The following ZSWIM6 variants were observed in gnomAD, a reference collection of about 807,000 sequenced individuals.
ZSWIM6 encodes zinc finger SWIM-type containing 6.
In ZSWIM6, 9 loss-of-function variants were observed where a neutral mutation model predicts 113.2. The ratio of observed to expected loss-of-function variants is 0.08; its 90% CI spans 0.05 to 0.14. The LOEUF is 0.14. Ranked by LOEUF, ZSWIM6 falls within the 10% of genes least tolerant of loss-of-function variation. The probability of loss-of-function intolerance (pLI) is 1.00; values close to 1 mark genes in which losing one functional copy is unlikely to be tolerated. For synonymous variants in ZSWIM6, 611 were observed against 606.5 expected (o/e 1.01, Z -0.11); for missense variants, 1,162 against 1,552.2 (o/e 0.75, Z 4.22).
chr5:61,474,356 T>C (rs1747653871), intron 2 of ZSWIM6, among the ~76,000 whole-genome samples: 1 of 152,208 alleles, frequency 6.6e-6, no homozygotes, highest in Non-Finnish European at 1.5e-5. Context: ...CTAATAGAAA[T>C]ATAACATGAG....
intron 1 of ZSWIM6, among the ~76,000 whole-genome samples, chr5:61,395,076 T>G (rs749959063): frequency 6.6e-6 from 1 of 152,158 alleles, no homozygotes; most frequent in Non-Finnish European, 1.5e-5. Context: ...AAAATCACTT[T>G]TATAAGTTAG....
intron 1 of ZSWIM6, among the ~76,000 whole-genome samples, chr5:61,399,341 T>G (rs1745902501): frequency 6.6e-6 from 1 of 152,016 alleles, no homozygotes; most frequent in Non-Finnish European, 1.5e-5. Context: ...AATATGTGAC[T>G]TCGTTGAGAA....
intron 1 of ZSWIM6, among the ~76,000 whole-genome samples, chr5:61,434,205 AAT>A (rs910558874): frequency 2.7e-5 from 4 of 147,728 alleles, no homozygotes; most frequent in African/African-American, 9.8e-5. Context: ...ATATATGTAT[AAT>A]ATATATAAAA....
chr5:61,500,100 T>TTTA (rs61415779), intron 4 of ZSWIM6, among the ~76,000 whole-genome samples: 19,323 of 145,214 alleles, frequency 0.13, 1,371 homozygotes, highest in Middle Eastern at 0.2. Flanking sequence ...TGTCCTCAGC[T>TTTA]TTATTATTAT....
At chr5:61,438,920 G>T (rs931714241) in intron 1 of ZSWIM6, among the ~76,000 whole-genome samples, 1 of 152,158 alleles carries the variant, frequency 6.6e-6, no homozygotes, top group African/African-American at 2.4e-5. Flanking sequence ...AAAGACGGTT[G>T]TGCATGTGTT....
At chr5:61,378,850 C>G (rs746662693) in intron 1 of ZSWIM6, among the ~76,000 whole-genome samples, 1 of 152,138 alleles carries the variant, frequency 6.6e-6, no homozygotes, top group Non-Finnish European at 1.5e-5. Flanking sequence ...GCCACCACAC[C>G]TGGCTACCCT....
Position 61,351,162 on chromosome 5 carries a change from C to T in ZSWIM6, c.676+18214C>T, listed in dbSNP as rs577387804. Among the ~76,000 whole-genome samples the T allele has an allele frequency of 5.3e-5, 8 of 152,200 alleles. No individual in the cohort carries two copies. The South Asian group carries it at 1.0e-3, about 20-fold the overall frequency. ...TAAACAGAGCATGTTTTTTATTCATCGAGGTGTATCATGCCTTAATGTCCT... is the reference window on the plus strand; with the variant it reads ...TAAACAGAGCATGTTTTTTATTCATTGAGGTGTATCATGCCTTAATGTCCT... On this transcript the variant is annotated intron_variant, in intron 1 of 13. Coordinates refer to ENST00000252744, the MANE Select transcript of ZSWIM6 (RefSeq NM_020928.2).
intron 1 of ZSWIM6, among the ~76,000 whole-genome samples, chr5:61,382,628 AC>A (rs1307398627): frequency 1.3e-5 from 2 of 151,824 alleles, no homozygotes; most frequent in Non-Finnish European, 2.9e-5. Context: ...ACATGGTGAA[AC>A]CCCCCTCTAC....
intron 1 of ZSWIM6, among the ~76,000 whole-genome samples, chr5:61,339,125 GC>G (rs1561197544): frequency 2.6e-5 from 4 of 152,284 alleles, no homozygotes; most frequent in African/African-American, 9.6e-5. Flanking sequence ...TGTGATTTCA[GC>G]TAGTAATGTG....
At chr5:61,483,938 C>T (rs897604689) in intron 2 of ZSWIM6, among the ~76,000 whole-genome samples, 2 of 150,762 alleles carry the variant, frequency 1.3e-5, no homozygotes, top group Non-Finnish European at 3.0e-5. Flanking sequence ...GTATTTAAAA[C>T]CTATCCAATT....
At chr5:61,391,529 T>A in intron 1 of ZSWIM6, 1 of 1,056,156 alleles carries the variant, frequency 9.5e-7, no homozygotes, top group Non-Finnish European at 1.5e-6. Context: ...AAATGTCTCT[T>A]GCATGCATCG....
intron 1 of ZSWIM6, among the ~76,000 whole-genome samples, chr5:61,339,934 A>T (rs1235124926): frequency 6.6e-6 from 1 of 152,218 alleles, no homozygotes; most frequent in Non-Finnish European, 1.5e-5. Flanking sequence ...AAAAATCAGT[A>T]TCAAATGATA....
chr5:61,383,712 A>G (rs1488396114), intron 1 of ZSWIM6, among the ~76,000 whole-genome samples: 1 of 151,364 alleles, frequency 6.6e-6, no homozygotes, highest in Admixed American at 6.6e-5. Context: ...ACGTCCAGCT[A>G]ATTTTTGTAT....
chr5:61,359,029 T>A (rs1024113817), intron 1 of ZSWIM6, among the ~76,000 whole-genome samples: 2 of 152,116 alleles, frequency 1.3e-5, no homozygotes, highest in South Asian at 4.1e-4. Flanking sequence ...TGAACCTTAG[T>A]CTCATTAAGA....
At chr5:61,362,403 G>A (rs1745049406) in intron 1 of ZSWIM6, among the ~76,000 whole-genome samples, 1 of 152,086 alleles carries the variant, frequency 6.6e-6, no homozygotes, top group Non-Finnish European at 1.5e-5. Flanking sequence ...TCGCCATTTT[G>A]GCCAGGCTGG....
chr5:61,418,935 C>A (rs1746305165), intron 1 of ZSWIM6, among the ~76,000 whole-genome samples: 1 of 152,220 alleles, frequency 6.6e-6, no homozygotes, highest in Non-Finnish European at 1.5e-5. Context: ...GATTCTCCTG[C>A]CTCAGCCTCC....
At chr5:61,348,053 C>G (rs1333954599) in intron 1 of ZSWIM6, among the ~76,000 whole-genome samples, 1 of 152,060 alleles carries the variant, frequency 6.6e-6, no homozygotes, top group East Asian at 1.9e-4. Flanking sequence ...AACCCTGTCT[C>G]TACTAAAAAC....
At chr5:61,523,442 G>A (rs1249804074) in intron 5 of ZSWIM6, among the ~76,000 whole-genome samples, 1 of 152,090 alleles carries the variant, frequency 6.6e-6, no homozygotes, top group Non-Finnish European at 1.5e-5. Flanking sequence ...TATACCAAAA[G>A]TATAGCCAAT....
intron 1 of ZSWIM6, among the ~76,000 whole-genome samples, chr5:61,386,283 C>T (rs1310809827): frequency 1.3e-5 from 2 of 152,122 alleles, no homozygotes; most frequent in South Asian, 2.1e-4. Context: ...GTTATTTGCC[C>T]GGAGTGATTT....
Sources: gnomAD v4.1 joint callset for allele counts (sites outside exome capture counted in the v4.1 genomes callset) on GRCh38, gnomAD v4.1.1 for gene constraint, MANE v1.5 for transcripts, NCBI Gene and HGNC (gene_info 2026-07-23, HGNC 2026-07-21) for gene names.